Variants in RMND1 observed in about 807,000 individuals in gnomAD.
RMND1 encodes required for meiotic nuclear division protein 1 homolog.
Under a neutral mutation model 54.0 loss-of-function variants are expected in RMND1, and 41 were observed. That is an observed-to-expected ratio of 0.76 (90% CI 0.59 to 0.98). RMND1 has a LOEUF of 0.98. Among genes scored for constraint, RMND1 ranks in the 50% least tolerant of loss-of-function variants. The pLI, the probability that RMND1 is intolerant of heterozygous loss-of-function variation, is 0.00. For missense variants in RMND1, 457 were observed against 532.0 expected, an observed-to-expected ratio of 0.86 and a Z score of 1.39; for synonymous variants, 183 against 181.7, an observed-to-expected ratio of 1.01 and a Z score of -0.06.
At chr6:151,449,408 G>A (rs1268832220) in intron 1 of RMND1, among the ~76,000 whole-genome samples, 1 of 150,644 alleles carries the variant, frequency 6.6e-6, no homozygotes, top group Non-Finnish European at 1.5e-5. Flanking sequence ...AGAATGGCCT[G>A]CATGGCACTA....
intron 2 of RMND1, 64 bp from the exon 3 acceptor site, chr6:151,436,618 G>A (rs777352435): frequency 4.7e-4 from 731 of 1,549,026 alleles, no homozygotes; most frequent in Non-Finnish European, 6.0e-4. Flanking sequence ...GACGGCTGCT[G>A]AGCACCCTAC....
At chr6:151,423,496 AC>A in intron 7 of RMND1, 28 bp downstream of exon 7, 1 of 1,380,542 alleles carries the variant, frequency 7.2e-7, no homozygotes, top group Non-Finnish European at 1.0e-6. Context: ...CAACTGTAGT[AC>A]CCTATCCCAT....
intron 8 of RMND1, among the ~76,000 whole-genome samples, chr6:151,421,603 G>T (rs1007601267): frequency 1.3e-5 from 2 of 152,028 alleles, no homozygotes; most frequent in African/African-American, 4.8e-5. Context: ...CCTTTCCGAA[G>T]TATAATTAGA....
chr6:151,447,336 T>G (rs55876759), intron 1 of RMND1, among the ~76,000 whole-genome samples: 21,799 of 152,088 alleles, frequency 0.14, 1,927 homozygotes, highest in East Asian at 0.36. Flanking sequence ...AACAAATTTT[T>G]GGTGATGATA....
intron 1 of RMND1, among the ~76,000 whole-genome samples, chr6:151,451,198 TA>T (rs58457871): frequency 0.29 from 33,069 of 113,276 alleles, 4,606 homozygotes; most frequent in African/African-American, 0.42. Flanking sequence ...GAATGATCAA[TA>T]AAAAAAAAAA....
intron 1 of RMND1, among the ~76,000 whole-genome samples, chr6:151,451,362 T>C (rs561705461): frequency 3.0e-4 from 45 of 152,364 alleles, no homozygotes; most frequent in African/African-American, 1.0e-3. Flanking sequence ...ATTGTCCTAG[T>C]TGCTGACAAT....
rs534007497 is a variant in RMND1 at position 151,422,990 on chromosome 6, C to T, written c.938-385G>A. Among the ~76,000 whole-genome samples the T allele has an allele frequency of 8.5e-5, 13 of 152,248 alleles. No individual in the cohort carries two copies. The South Asian group carries it at 2.1e-3, about 24-fold the overall frequency. ...ACTAAGAGTAAACCTCAGAAATCTCCGAAGCCCCTCAGAGTGGGATGGACA... is the reference window on the plus strand; with the variant it reads ...ACTAAGAGTAAACCTCAGAAATCTCTGAAGCCCCTCAGAGTGGGATGGACA... On this transcript the variant is annotated intron_variant, in intron 7 of 11. Transcript: ENST00000444024.
At chr6:151,424,955 T>A (rs1007325018) in intron 6 of RMND1, among the ~76,000 whole-genome samples, 4 of 152,112 alleles carry the variant, frequency 2.6e-5, no homozygotes, top group Non-Finnish European at 4.4e-5. Context: ...AGAGGTCTTT[T>A]TTTTTGAGAC....
chr6:151,405,860 CATGT>C (rs775484788), intron 10 of RMND1, 24 bp from the exon 11 acceptor site: 2 of 1,253,770 alleles, frequency 1.6e-6, no homozygotes, highest in Middle Eastern at 1.9e-4. Flanking sequence ...ATTTCAGTAA[CATGT>C]ATTTAAACAA....
intron 2 of RMND1, 184 bp downstream of exon 2, chr6:151,445,124 T>C (rs1780914129): frequency 3.5e-6 from 2 of 573,824 alleles, no homozygotes; most frequent in East Asian, 2.8e-5. Flanking sequence ...ATATGTATCA[T>C]TAATTGTTAA....
At chr6:151,440,040 TCTAC>T (rs1780732289) in intron 2 of RMND1, among the ~76,000 whole-genome samples, 1 of 152,114 alleles carries the variant, frequency 6.6e-6, no homozygotes, top group African/African-American at 2.4e-5. Flanking sequence ...CACTGCAACC[TCTAC>T]CCCCTGGATT....
intron 1 of RMND1, among the ~76,000 whole-genome samples, chr6:151,446,805 G>A (rs774978446): frequency 2.8e-4 from 43 of 151,858 alleles, no homozygotes; most frequent in Middle Eastern, 3.4e-3. Context: ...AGGTGGCTGA[G>A]ATATAGAATC....
chr6:151,412,703 T>C (rs1224863283), intron 10 of RMND1, among the ~76,000 whole-genome samples: 1 of 152,206 alleles, frequency 6.6e-6, no homozygotes, highest in Non-Finnish European at 1.5e-5. Context: ...GCTTGGCTTC[T>C]GGGGAAGCCT....
intron 2 of RMND1, among the ~76,000 whole-genome samples, chr6:151,437,945 G>T (rs2114960880): frequency 6.6e-6 from 1 of 152,296 alleles, no homozygotes; most frequent in African/African-American, 2.4e-5. Flanking sequence ...TAGAAAAAAA[G>T]TCAGACAAGC....
At chr6:151,426,054 T>TGCCTCCGCCTCC (rs200326875) in intron 6 of RMND1, among the ~76,000 whole-genome samples, 3 of 151,518 alleles carry the variant, frequency 2.0e-5, no homozygotes, top group South Asian at 4.2e-4. Context: ...AGCAATTCTC[T>TGCCTCCGCCTCC]GCCTCCGCCT....
At chr6:151,408,363 G>A (rs1181202339) in intron 10 of RMND1, among the ~76,000 whole-genome samples, 1 of 152,004 alleles carries the variant, frequency 6.6e-6, no homozygotes, top group Non-Finnish European at 1.5e-5. Flanking sequence ...GTGGTGGCAG[G>A]CACCTGTAAT....
intron 6 of RMND1, among the ~76,000 whole-genome samples, chr6:151,427,190 CAT>C (rs1397389166): frequency 4.0e-5 from 6 of 151,806 alleles, no homozygotes; most frequent in African/African-American, 1.2e-4. Context: ...TCCTGGCCAA[CAT>C]GGTGAAACCC....
chr6:151,436,824 T>C (rs374898674), intron 2 of RMND1: 30 of 321,264 alleles, frequency 9.3e-5, no homozygotes, highest in African/African-American at 6.1e-4. Context: ...CACACTCAAC[T>C]GGTAGTATCT....
rs547566528 is a variant in RMND1 at position 151,442,750 on chromosome 6, G to C, written c.504+2558C>G. On this transcript the variant is annotated intron_variant, in intron 2 of 11. Transcript: ENST00000444024. ...AAATGGGAGTCTTGCTATGTTGCCA[G>C]GCTGGTCTTCAACTCCTGGCCTCAA... Among the ~76,000 whole-genome samples the C allele has an allele frequency of 3.3e-5, 5 of 150,234 alleles. No homozygotes were observed. In the South Asian group the frequency reaches 1.1e-3, roughly 32 times the overall value.
Sources: allele counts gnomAD v4.1 joint callset (sites outside exome capture counted in the v4.1 genomes callset), GRCh38; gene constraint gnomAD v4.1.1; transcripts MANE v1.5; gene names NCBI Gene and HGNC (gene_info 2026-07-23, HGNC 2026-07-21).